Variants in CAB39L observed in about 807,000 individuals in gnomAD.
The protein encoded by CAB39L is calcium binding protein 39 like.
In CAB39L, 23 loss-of-function variants were observed where a neutral mutation model predicts 39.1. That is an observed-to-expected ratio of 0.59 (90% confidence interval 0.42 to 0.83). CAB39L has a LOEUF of 0.83. Ranked by LOEUF, CAB39L falls within the 40% of genes least tolerant of loss-of-function variation. The pLI is 0.00. For synonymous variants in CAB39L, 126 were observed against 137.2 expected (o/e 0.92, Z 0.57); for missense variants, 366 against 391.9 (o/e 0.93, Z 0.56).
intron 6 of CAB39L, among the ~76,000 whole-genome samples, chr13:49,355,634 C>T (rs181270351): frequency 6.6e-6 from 1 of 151,754 alleles, no homozygotes; most frequent in African/African-American, 2.4e-5. Flanking sequence ...AGAGATATCA[C>T]CTAGAAGGGG....
chr13:49,339,729 T>G lies in CAB39L; in HGVS notation c.638A>C (p.Tyr213Ser). Residue 213 changes from tyrosine to serine, a missense_variant, in exon 9 of 11, where the codon TAT (tyrosine) becomes TCT (serine). By Grantham distance (144) the Tyr-to-Ser change is moderately radical. Coordinates refer to ENST00000409308, the MANE Select transcript of CAB39L (RefSeq NM_001079670.3). The part of the protein sequence containing the change: ...EQNYDTIFED[Y>S]EKLLQSENYV... ...ATTCTCAGACTGAAGCAATTTCTCA[T>G]AGTCTTCAAAAATCTAATGAAAAGA... is the stretch of plus-strand genomic sequence containing the variant. The G allele has an allele frequency of 6.9e-6, 11 of 1,583,364 alleles. No homozygotes were observed. The highest frequency in any genetic ancestry group is 9.4e-6 in the Non-Finnish European group (11 of 1,166,200).
intron 8 of CAB39L, 102 bp downstream of exon 8, chr13:49,344,077 G>A: frequency 1.3e-6 from 1 of 747,642 alleles, no homozygotes; most frequent in South Asian, 1.6e-5. Context: ...GGTTGAATGC[G>A]ACTGATTTCT....
At chr13:49,410,008 G>A (rs1409729055) in intron 3 of CAB39L, among the ~76,000 whole-genome samples, 4 of 151,946 alleles carry the variant, frequency 2.6e-5, no homozygotes, top group East Asian at 3.9e-4. Context: ...TTAAAGTTCC[G>A]CTTATATCCA....
chr13:49,378,535 A>G (rs1210602024), intron 4 of CAB39L, among the ~76,000 whole-genome samples: 80 of 27,272 alleles, frequency 2.9e-3, no homozygotes, highest in East Asian at 5.4e-3. Context: ...CGGGAGGGAG[A>G]TGGGGGGGTC....
chr13:49,421,197 T>C (rs1957166880), intron 3 of CAB39L, among the ~76,000 whole-genome samples: 1 of 151,864 alleles, frequency 6.6e-6, no homozygotes. Context: ...GCCTCCCCTC[T>C]CTGCCCGCCC....
At chr13:49,373,557 C>T (rs1030187924) in intron 5 of CAB39L, among the ~76,000 whole-genome samples, 2 of 152,186 alleles carry the variant, frequency 1.3e-5, no homozygotes, top group Non-Finnish European at 2.9e-5. Flanking sequence ...ATATAATCAT[C>T]ACCCCAAAGA....
chr13:49,377,330 C>T (rs1247054706), intron 4 of CAB39L, among the ~76,000 whole-genome samples, 199 bp from the exon 5 acceptor site: 1 of 35,140 alleles, frequency 2.8e-5, no homozygotes, highest in Non-Finnish European at 6.1e-5. Flanking sequence ...CTTGCATTTA[C>T]ATATCAAAGG....
intron 3 of CAB39L, among the ~76,000 whole-genome samples, chr13:49,425,331 A>G (rs1209549474): frequency 6.6e-6 from 1 of 152,168 alleles, no homozygotes; most frequent in Admixed American, 6.5e-5. Flanking sequence ...AACAAAAATT[A>G]TAGGAATAAA....
intron 1 of CAB39L, among the ~76,000 whole-genome samples, chr13:49,439,184 T>C (rs1957462951): frequency 6.6e-6 from 1 of 152,212 alleles, no homozygotes; most frequent in Non-Finnish European, 1.5e-5. Context: ...TTTTTCTTAA[T>C]CTTTTATTGA....
intron 3 of CAB39L, among the ~76,000 whole-genome samples, chr13:49,432,989 G>A (rs1957351480): frequency 6.6e-6 from 1 of 152,128 alleles, no homozygotes; most frequent in Admixed American, 6.5e-5. Flanking sequence ...AATGACTTCA[G>A]CACCTGCTTA....
chr13:49,380,654 T>C (rs1956234918), intron 4 of CAB39L, among the ~76,000 whole-genome samples: 1 of 152,198 alleles, frequency 6.6e-6, no homozygotes, highest in Non-Finnish European at 1.5e-5. Context: ...TTATATGGTA[T>C]GTTAATTTTT....
chr13:49,431,762 C>A (rs1459385697), intron 3 of CAB39L, among the ~76,000 whole-genome samples: 2 of 151,802 alleles, frequency 1.3e-5, no homozygotes, highest in African/African-American at 4.8e-5. Context: ...AAAAAATCTA[C>A]CTACCATTCC....
At chr13:49,346,095 T>G (rs1955152533) in intron 7 of CAB39L, among the ~76,000 whole-genome samples, 1 of 13,618 alleles carries the variant, frequency 7.3e-5, no homozygotes, top group Non-Finnish European at 1.7e-4. Flanking sequence ...TATATATATA[T>G]GCTAGATATA....
intron 1 of CAB39L, among the ~76,000 whole-genome samples, chr13:49,441,221 G>GTGTATATATATATATATA (rs1024957572): frequency 2.4e-4 from 29 of 121,450 alleles, no homozygotes; most frequent in African/African-American, 9.9e-4. Context: ...ATGATTTAGT[G>GTGTATATATATATATATA]TATATATATA....
intron 3 of CAB39L, among the ~76,000 whole-genome samples, chr13:49,407,938 A>G (rs1320438855): frequency 1.1e-5 from 1 of 91,508 alleles, no homozygotes; most frequent in African/African-American, 4.1e-5. Flanking sequence ...TAATAGTATA[A>G]AAAAACTAGA....
chr13:49,363,237 G>A (rs1566090988), intron 5 of CAB39L, among the ~76,000 whole-genome samples: 1 of 152,142 alleles, frequency 6.6e-6, no homozygotes, highest in African/African-American at 2.4e-5. Context: ...AACTACTCTT[G>A]TCTTAAGGAG....
At chr13:49,403,417 G>A (rs775086282) in intron 3 of CAB39L, among the ~76,000 whole-genome samples, 5 of 151,812 alleles carry the variant, frequency 3.3e-5, no homozygotes, top group Non-Finnish European at 7.4e-5. Flanking sequence ...ACACAATAAC[G>A]TAAAATTCAC....
At chr13:49,388,284 A>C (rs930176148) in intron 3 of CAB39L, among the ~76,000 whole-genome samples, 1 of 152,218 alleles carries the variant, frequency 6.6e-6, no homozygotes, top group African/African-American at 2.4e-5. Context: ...AACAGCGTAA[A>C]CAGAAAAACA....
intron 3 of CAB39L, among the ~76,000 whole-genome samples, chr13:49,431,190 T>C (rs1957316378): frequency 6.6e-6 from 1 of 152,232 alleles, no homozygotes; most frequent in African/African-American, 2.4e-5. Context: ...CTGCATTTGA[T>C]ATGCTTCCAT....
Sources: gnomAD v4.1 joint callset for allele counts (sites outside exome capture counted in the v4.1 genomes callset) on GRCh38, gnomAD v4.1.1 for gene constraint, MANE v1.5 for transcripts, NCBI Gene and HGNC (gene_info 2026-07-23, HGNC 2026-07-21) for gene names.